SGCZ: variants seen among roughly 807,000 people sequenced by gnomAD.
SGCZ encodes the protein sarcoglycan zeta.
Under a neutral mutation model 41.3 loss-of-function variants are expected in SGCZ, and 40 were observed. The observed-to-expected ratio is 0.97, with a 90% CI of 0.75 to 1.26. The LOEUF (loss-of-function observed/expected upper bound fraction) is 1.26. Ranked by LOEUF, SGCZ falls within the 50% of genes most tolerant of loss-of-function variation. The pLI is 0.00. For missense variants in SGCZ, 552 were observed against 369.8 expected (o/e 1.49, Z -4.04); for synonymous variants, 206 against 137.5 (o/e 1.50, Z -3.49).
chr8:15,140,914 T>C (rs530746579), intron 1 of SGCZ, among the ~76,000 whole-genome samples: 1 of 152,334 alleles, frequency 6.6e-6, no homozygotes, highest in Non-Finnish European at 1.5e-5. Context: ...TTGTGTATAC[T>C]TGCAGTAATG....
At chr8:15,234,644 G>A (rs1802063920) in intron 1 of SGCZ, among the ~76,000 whole-genome samples, 1 of 152,066 alleles carries the variant, frequency 6.6e-6, no homozygotes, top group African/African-American at 2.4e-5. Flanking sequence ...AATGATAATG[G>A]CAGCAATAGC....
intron 1 of SGCZ, among the ~76,000 whole-genome samples, chr8:14,789,014 C>G (rs1025683237): frequency 2.6e-5 from 4 of 151,894 alleles, no homozygotes; most frequent in Non-Finnish European, 5.9e-5. Context: ...TCGAAAACAC[C>G]TTATTTAATA....
intron 1 of SGCZ, among the ~76,000 whole-genome samples, chr8:14,705,868 C>T (rs931489661): frequency 4.6e-5 from 7 of 151,922 alleles, no homozygotes; most frequent in African/African-American, 1.4e-4. Flanking sequence ...TTTCTGAACA[C>T]GAATCACTAT....
chr8:15,140,337 AT>A (rs1161029837), intron 1 of SGCZ, among the ~76,000 whole-genome samples: 2 of 152,278 alleles, frequency 1.3e-5, no homozygotes, highest in Admixed American at 1.3e-4. Flanking sequence ...TATAGAGCTT[AT>A]TTAGAGCTCA....
intron 2 of SGCZ, among the ~76,000 whole-genome samples, chr8:14,495,140 G>A (rs1190108443): frequency 6.6e-6 from 1 of 152,136 alleles, no homozygotes; most frequent in African/African-American, 2.4e-5. Context: ...AGCGCTTGTA[G>A]AGTTTATCAA....
At chr8:14,338,460 G>A (rs538435202) in intron 2 of SGCZ, among the ~76,000 whole-genome samples, 45 of 152,134 alleles carry the variant, frequency 3.0e-4, no homozygotes, top group Non-Finnish European at 5.6e-4. Flanking sequence ...ATTCTCAAGA[G>A]CCATTCTAGC....
intron 1 of SGCZ, among the ~76,000 whole-genome samples, chr8:14,570,893 T>A (rs998568429): frequency 5.1e-4 from 78 of 152,300 alleles, no homozygotes; most frequent in Admixed American, 1.6e-3. Flanking sequence ...CTAGAAGCGA[T>A]AAGAAAGAAT....
chr8:14,858,481 C>G (rs947632404), intron 1 of SGCZ, among the ~76,000 whole-genome samples: 2 of 152,014 alleles, frequency 1.3e-5, no homozygotes, highest in Admixed American at 1.3e-4. Context: ...TGAGAAAAAT[C>G]TGGACTCACA....
At chr8:14,640,019 C>T (rs73521683) in intron 1 of SGCZ, among the ~76,000 whole-genome samples, 3 of 151,502 alleles carry the variant, frequency 2.0e-5, no homozygotes, top group Non-Finnish European at 4.4e-5. Flanking sequence ...ATAAACTATA[C>T]GTATTTATGC....
chr8:14,329,344 G>A (rs1378062613), intron 2 of SGCZ, among the ~76,000 whole-genome samples: 1 of 152,148 alleles, frequency 6.6e-6, no homozygotes, highest in Non-Finnish European at 1.5e-5. Context: ...CACTATGTAA[G>A]TGAATTACTA....
intron 1 of SGCZ, among the ~76,000 whole-genome samples, chr8:14,706,001 T>A (rs1349737155): frequency 1.3e-5 from 2 of 151,956 alleles, no homozygotes; most frequent in Non-Finnish European, 2.9e-5. Context: ...ATAATAGAAA[T>A]AAATAATAGT....
chr8:15,143,254 T>C (rs1171410134), intron 1 of SGCZ, among the ~76,000 whole-genome samples: 1 of 152,204 alleles, frequency 6.6e-6, no homozygotes, highest in African/African-American at 2.4e-5. Context: ...TGTTCCACCA[T>C]GAGAGGAACC....
chr8:15,181,331 G>A (rs182222030), intron 1 of SGCZ, among the ~76,000 whole-genome samples: 1 of 151,884 alleles, frequency 6.6e-6, no homozygotes, highest in African/African-American at 2.4e-5. Context: ...AATTATATTT[G>A]AATTATACTT....
At position 15,190,658 on chromosome 8, in the gene SGCZ, T is replaced by C. The variant is rs993831769; in HGVS notation, c.39+46927A>G. 8.0e-5 allele frequency among the ~76,000 whole-genome samples: 12 copies of C among 149,938 alleles called. 1 individual carries two copies. In the South Asian group the frequency reaches 1.7e-3, roughly 21 times the overall value. The stretch of plus-strand genomic sequence containing the variant: ...TTTCAGAGCCTTCAAAGTTTTTACA[T>C]AAATTCTTATTTAAAATTGTGTGGG... On this transcript the variant is annotated intron_variant, in intron 1 of 7. Coordinates refer to ENST00000382080, the MANE Select transcript of SGCZ (RefSeq NM_139167.4).
intron 2 of SGCZ, among the ~76,000 whole-genome samples, chr8:14,372,446 T>C (rs10101774): frequency 1.3e-5 from 2 of 152,152 alleles, no homozygotes; most frequent in African/African-American, 4.8e-5. Flanking sequence ...ATGAGAGGAT[T>C]TCTGTGGCTT....
At chr8:14,238,969 GTA>G (rs1003898721) in intron 3 of SGCZ, among the ~76,000 whole-genome samples, 34 of 150,608 alleles carry the variant, frequency 2.3e-4, no homozygotes, top group African/African-American at 8.3e-4. Flanking sequence ...AGATATATAT[GTA>G]TATATATAAA....
At chr8:14,285,643 T>C (rs1350214218) in intron 3 of SGCZ, among the ~76,000 whole-genome samples, 2 of 152,116 alleles carry the variant, frequency 1.3e-5, no homozygotes, top group East Asian at 3.9e-4. Context: ...AATTGATATT[T>C]ATAAGAGAGG....
intron 6 of SGCZ, among the ~76,000 whole-genome samples, chr8:14,105,402 G>A (rs997637331): frequency 2.0e-5 from 3 of 151,906 alleles, no homozygotes; most frequent in Non-Finnish European, 4.4e-5. Context: ...AGAAAATGTG[G>A]CTACTTACTC....
At chr8:14,799,442 T>C (rs908630417) in intron 1 of SGCZ, among the ~76,000 whole-genome samples, 2 of 152,152 alleles carry the variant, frequency 1.3e-5, no homozygotes, top group African/African-American at 4.8e-5. Context: ...GTACATCAGC[T>C]ACTTGTAACA....
Sources: gnomAD v4.1 joint callset for allele counts (sites outside exome capture counted in the v4.1 genomes callset) on GRCh38, gnomAD v4.1.1 for gene constraint, MANE v1.5 for transcripts, NCBI Gene and HGNC (gene_info 2026-07-23, HGNC 2026-07-21) for gene names.